Variants in SS18L1 observed in about 807,000 individuals in gnomAD.
The protein encoded by SS18L1 is calcium-responsive transactivator.
In SS18L1, 32 loss-of-function variants were observed where a neutral mutation model predicts 70.3. The ratio of observed to expected loss-of-function variants is 0.46; its 90% confidence interval spans 0.34 to 0.61. The LOEUF is 0.61. Ranked by LOEUF, SS18L1 falls within the 20% of genes least tolerant of loss-of-function variation. The pLI, the probability that SS18L1 is intolerant of heterozygous loss-of-function variation, is 0.01. For missense variants in SS18L1, 430 were observed against 542.1 expected (o/e 0.79, Z 2.05); for synonymous variants, 237 against 229.7 (o/e 1.03, Z -0.29).
chr20:62,148,136 A>C (rs904953943), intron 1 of SS18L1, among the ~76,000 whole-genome samples: 3 of 152,196 alleles, frequency 2.0e-5, no homozygotes, highest in African/African-American at 7.2e-5. Flanking sequence ...GCCTGTCTTT[A>C]CATCCGCAGG....
intron 8 of SS18L1, among the ~76,000 whole-genome samples, chr20:62,171,329 G>A (rs2057528097): frequency 6.6e-6 from 1 of 152,176 alleles, no homozygotes; most frequent in South Asian, 2.1e-4. Context: ...CTTTCATGGG[G>A]GCAGGAGAAA....
rs189872527 is a variant in SS18L1 at position 62,168,868 on chromosome 20, A to T, written c.916+3354A>T. Among the ~76,000 whole-genome samples, 126 of 152,294 alleles carry T rather than the reference A, an allele frequency of 8.3e-4. 1 individual carries two copies. Among genetic ancestry groups the T allele is most frequent in the African/African-American group, 2.5e-3 (105 of 41,564 alleles). ...GTCATCCCACAGCAGGATGAGTGGG[A>T]CAGGCTGGTGCTGGAATTGTTCCTG... On this transcript the variant is annotated intron_variant, in intron 8 of 10. Transcript: ENST00000331758.
chr20:62,164,070 T>A, intron 6 of SS18L1, 75 bp from the exon 7 acceptor site: 1 of 1,393,196 alleles, frequency 7.2e-7, no homozygotes, highest in South Asian at 1.3e-5. Context: ...GGCCTTGGCT[T>A]CCCCAGTGAG....
At position 62,158,556 on chromosome 20, in the gene SS18L1, G is replaced by A. The variant is rs553171999; in HGVS notation, c.70-116G>A. The A allele has an allele frequency of 4.0e-5, 59 of 1,467,358 alleles. No homozygotes were observed. The highest frequency in any genetic ancestry group is 1.5e-4 in the South Asian group (12 of 80,060). The allele number at this position is 1,467,358 out of a possible 1,614,324, so 90.9% of individuals were successfully genotyped here. The stretch of plus-strand genomic sequence containing the variant: ...TCTGGAAAAATCTGAAATCTGACAC[G>A]TTTCACGTAAGGGACGCTCAACCTA... On this transcript the variant is annotated intron_variant, in intron 1 of 10. Coordinates refer to ENST00000331758, the MANE Select transcript of SS18L1 (RefSeq NM_198935.3). The surrounding 1 kb of genome is among the most constrained non-coding windows in gnomAD (Gnocchi z 4.5).
At position 62,174,369 on chromosome 20, in the gene SS18L1, G is replaced by C; in HGVS notation, c.1037-148G>C. 1 of 1,349,150 alleles carries C rather than the reference G, an allele frequency of 7.4e-7. No individual in the cohort carries two copies. Among genetic ancestry groups the C allele is most frequent in the Non-Finnish European group, 9.9e-7 (1 of 1,009,292 alleles). 83.6% of individuals were successfully genotyped at this position (1,349,150 alleles called of 1,614,324 possible). A position where few individuals can be genotyped will look rare whatever the true frequency, so the allele number is the denominator to read the frequency against. On this transcript the variant is annotated intron_variant, in intron 9 of 10. Transcript: ENST00000331758. The surrounding 1 kb of genome is among the most constrained non-coding windows in gnomAD (Gnocchi z 4.1). ...ACGTGGAGCCACGTGCAGGTGCCAG[G>C]TGTTCTGGAGATTGACAAAAGGCTG...
chr20:62,164,326 G>C, intron 7 of SS18L1, 80 bp downstream of exon 7: 1 of 1,278,828 alleles, frequency 7.8e-7, no homozygotes, highest in Non-Finnish European at 1.1e-6. Flanking sequence ...GGGCAAGGAG[G>C]GTGTGGCCAC....
rs939247674 is a variant in SS18L1, at chr20:62,152,852, G to C, written c.70-5820G>C. 5.9e-5 allele frequency among the ~76,000 whole-genome samples: 9 copies of C among 152,320 alleles called. No individual in the cohort carries two copies. The East Asian group carries it at 1.7e-3, about 29-fold the overall frequency. ...ACTACGAATCGACAACCTCCAGAGTGGGGGCCACAGCTGCCTGTCGGTGCA... is the reference window on the plus strand; with the variant it reads ...ACTACGAATCGACAACCTCCAGAGTCGGGGCCACAGCTGCCTGTCGGTGCA... On this transcript the variant is annotated intron_variant, in intron 1 of 10. Transcript: ENST00000331758.
At chr20:62,169,911 G>A (rs1227403731) in intron 8 of SS18L1, among the ~76,000 whole-genome samples, 7 of 152,214 alleles carry the variant, frequency 4.6e-5, no homozygotes, top group African/African-American at 1.2e-4. Context: ...TCAGGCCCTC[G>A]CCAGGTGGTG....
chr20:62,167,934 G>C (rs2057464348), intron 8 of SS18L1, among the ~76,000 whole-genome samples: 1 of 149,142 alleles, frequency 6.7e-6, no homozygotes, highest in African/African-American at 2.5e-5. Context: ...TCCTGCTTCA[G>C]CCTCTCGAAT....
intron 10 of SS18L1, among the ~76,000 whole-genome samples, chr20:62,176,414 G>C (rs1368195102): frequency 6.6e-6 from 1 of 152,202 alleles, no homozygotes; most frequent in African/African-American, 2.4e-5. Flanking sequence ...TTGGAAGGCT[G>C]AGGCACGAGG....
At chr20:62,167,926 C>T (rs2057464151) in intron 8 of SS18L1, among the ~76,000 whole-genome samples, 1 of 151,584 alleles carries the variant, frequency 6.6e-6, no homozygotes, top group Non-Finnish European at 1.5e-5. Context: ...AGTGATCCTC[C>T]TGCTTCAGCC....
Position 62,168,711 on chromosome 20 carries a change from G to T in SS18L1, c.916+3197G>T, listed in dbSNP as rs35077833. ...CGCCTGTTGTCCCAGCTACTTGGGAGGCTGAGGCAGGAGCATAGCTTGAGC... is the reference window on the plus strand; with the variant it reads ...CGCCTGTTGTCCCAGCTACTTGGGATGCTGAGGCAGGAGCATAGCTTGAGC... On this transcript the variant is annotated intron_variant, in intron 8 of 10. Transcript: ENST00000331758. Among the ~76,000 whole-genome samples the T allele has an allele frequency of 5.5e-3, 836 of 152,306 alleles. 4 individuals carry two copies. Among genetic ancestry groups the T allele is most frequent in the Non-Finnish European group, 6.7e-3 (459 of 68,030 alleles).
intron 1 of SS18L1, among the ~76,000 whole-genome samples, chr20:62,148,202 C>A (rs2057066594): frequency 6.6e-6 from 1 of 152,258 alleles, no homozygotes; most frequent in African/African-American, 2.4e-5. Flanking sequence ...CGGGGAGGGA[C>A]CCCGCAGCCA....
At chr20:62,144,635 T>C (rs552743295) in intron 1 of SS18L1, among the ~76,000 whole-genome samples, 19 of 152,384 alleles carry the variant, frequency 1.2e-4, no homozygotes, top group African/African-American at 4.6e-4. Context: ...ACCTTTCTTC[T>C]AGCTCCGTAA....
chr20:62,164,227 C>T lies in SS18L1; in HGVS notation c.804C>T (p.Gly268=). The part of the protein sequence containing the change: ...SHSQGAAEPM[G]QQYYPDGHGD... ...GCCAGGGCGCCGCGGAGCCCATGGG[C>T]CAGCAGTACTACCCCGACGGTGAGC... Residue 268 remains glycine, a synonymous_variant, in exon 7 of 11, where the codon GGC becomes GGT. Transcript: ENST00000331758. 1.9e-6 allele frequency: 3 copies of T among 1,549,490 alleles called. No homozygotes were observed. The highest frequency in any genetic ancestry group is 1.4e-5 in the African/African-American group (1 of 73,150).
In SS18L1 at chr20:62,158,595, T is replaced by C; in HGVS notation, c.70-77T>C. The C allele has an allele frequency of 1.3e-6, 2 of 1,562,760 alleles. No individual in the cohort carries two copies. The highest frequency in any genetic ancestry group is 1.7e-6 in the Non-Finnish European group (2 of 1,156,538). ...ACGCTCAACCTATATGAAAACTAGATGTGTAGCGATGGCTGTTCATCCCGA... is the reference window on the plus strand; with the variant it reads ...ACGCTCAACCTATATGAAAACTAGACGTGTAGCGATGGCTGTTCATCCCGA... On this transcript the variant is annotated intron_variant, in intron 1 of 10. Coordinates refer to ENST00000331758, the MANE Select transcript of SS18L1 (RefSeq NM_198935.3). The surrounding 1 kb of genome is among the most constrained non-coding windows in gnomAD (Gnocchi z 4.5).
chr20:62,144,509 A>T (rs1308428436), intron 1 of SS18L1, among the ~76,000 whole-genome samples: 1 of 152,238 alleles, frequency 6.6e-6, no homozygotes, highest in East Asian at 1.9e-4. Context: ...ATCGTTACGC[A>T]GCCCGGCCCC....
In SS18L1 at chr20:62,154,248, G is replaced by C. The variant is rs188410485; in HGVS notation, c.70-4424G>C. On this transcript the variant is annotated intron_variant, in intron 1 of 10. Coordinates refer to ENST00000331758, the MANE Select transcript of SS18L1 (RefSeq NM_198935.3). ...GGACCATGTCTGTTGAGAACCACTT[G>C]TTCATCTTCCTTGTCTTTGATGACT... The C allele has an allele frequency of 7.3e-5, 66 of 898,230 alleles. 1 individual carries two copies. In the East Asian group the frequency reaches 4.0e-3, roughly 54 times the overall value. The allele number at this position is 898,230 out of a possible 1,614,324, so 55.6% of individuals were successfully genotyped here.
intron 8 of SS18L1, among the ~76,000 whole-genome samples, chr20:62,166,333 C>T (rs1353379980): frequency 6.6e-6 from 1 of 152,218 alleles, no homozygotes; most frequent in Non-Finnish European, 1.5e-5. Context: ...CACTGCAGGG[C>T]TGCAATTTAT....
Sources: allele counts gnomAD v4.1 joint callset (sites outside exome capture counted in the v4.1 genomes callset), GRCh38; gene constraint gnomAD v4.1.1; non-coding constraint Gnocchi (gnomAD v3.1); transcripts MANE v1.5; gene names NCBI Gene and HGNC (gene_info 2026-07-23, HGNC 2026-07-21).